Variants in ADGRL2 observed in about 807,000 individuals in gnomAD.
The protein encoded by ADGRL2 is adhesion G protein-coupled receptor L2, also known as calcium-independent alpha-latrotoxin receptor 2.
In ADGRL2, 44 loss-of-function variants were observed where a neutral mutation model predicts 157.4. The ratio of observed to expected loss-of-function variants is 0.28; its 90% CI spans 0.22 to 0.36. The LOEUF (loss-of-function observed/expected upper bound fraction) is 0.36, where lower values mean the gene tolerates loss of function less well. Ranked by LOEUF, ADGRL2 falls within the 10% of genes least tolerant of loss-of-function variation. The pLI is 1.00. For synonymous variants in ADGRL2, 585 were observed against 624.7 expected, an observed-to-expected ratio of 0.94 and a Z score of 0.95; for missense variants, 1,510 against 1,768.9, an observed-to-expected ratio of 0.85 and a Z score of 2.63.
At chr1:81,972,205 A>G (rs1558028335) in intron 17 of ADGRL2, among the ~76,000 whole-genome samples, 2 of 152,160 alleles carry the variant, frequency 1.3e-5, no homozygotes, top group Non-Finnish European at 2.9e-5. Flanking sequence ...GTTATAAATT[A>G]AATGAATATG....
intron 3 of ADGRL2, among the ~76,000 whole-genome samples, chr1:81,672,278 C>G (rs2082891423): frequency 6.6e-6 from 1 of 152,154 alleles, no homozygotes; most frequent in Admixed American, 6.5e-5. Flanking sequence ...AAAAAGCTGT[C>G]ATTTCTGAAA....
At chr1:81,657,298 C>G (rs2082556003) in intron 3 of ADGRL2, among the ~76,000 whole-genome samples, 1 of 152,050 alleles carries the variant, frequency 6.6e-6, no homozygotes, top group African/African-American at 2.4e-5. Flanking sequence ...TTTGCTTATC[C>G]CTTTGGCTTT....
At chr1:81,759,576 T>C (rs2149300381) in intron 1 of ADGRL2, among the ~76,000 whole-genome samples, 1 of 152,278 alleles carries the variant, frequency 6.6e-6, no homozygotes, top group African/African-American at 2.4e-5. Flanking sequence ...AAAAGTTTTT[T>C]CTAGTCTTTT....
In ADGRL2 at chr1:81,511,402, A is replaced by G. The variant is rs554601608; in HGVS notation, c.-248+66313A>G. Among the ~76,000 whole-genome samples the G allele has an allele frequency of 4.5e-3, 622 of 137,266 alleles. 1 individual carries two copies. The highest frequency in any genetic ancestry group is 0.017 in the African/African-American group (584 of 34,434). 90.1% of individuals were successfully genotyped at this position (137,266 alleles called of 152,430 possible). On this transcript the variant is annotated intron_variant, in intron 2 of 24. Transcript: ENST00000370721. ...GAAAAAAAAAAAAAAAAAAGCGCGCACACACACACACACACACACACACAT... is the reference window on the plus strand; with the variant it reads ...GAAAAAAAAAAAAAAAAAAGCGCGCGCACACACACACACACACACACACAT...
At chr1:81,787,512 G>A (rs561928909) in intron 2 of ADGRL2, among the ~76,000 whole-genome samples, 4 of 152,008 alleles carry the variant, frequency 2.6e-5, no homozygotes, top group South Asian at 4.2e-4. Flanking sequence ...AAAATTAGCC[G>A]GGTGTGGTGG....
intron 2 of ADGRL2, among the ~76,000 whole-genome samples, chr1:81,872,814 T>C (rs2093734273): frequency 1.3e-5 from 2 of 152,146 alleles, no homozygotes; most frequent in South Asian, 2.1e-4. Context: ...ATTTTCCTAT[T>C]GTGATGGTGT....
intron 3 of ADGRL2, among the ~76,000 whole-genome samples, chr1:81,613,242 C>T (rs554718263): frequency 1.3e-5 from 2 of 152,260 alleles, no homozygotes; most frequent in South Asian, 4.1e-4. Context: ...GCATGTAAAA[C>T]ACATAGCACA....
upstream of ADGRL2, among the ~76,000 whole-genome samples, chr1:81,694,980 A>G (rs12092505): frequency 0.14 from 21,722 of 152,132 alleles, 1,593 homozygotes; most frequent in African/African-American, 0.16. Flanking sequence ...ATTGATACAT[A>G]TATTTATTTG....
intron 1 of ADGRL2, among the ~76,000 whole-genome samples, chr1:81,385,768 T>C (rs974028382): frequency 5.3e-5 from 8 of 152,050 alleles, no homozygotes; most frequent in Non-Finnish European, 7.4e-5. Flanking sequence ...CTAAAGACGC[T>C]CTGCAATATT....
At chr1:81,352,173 C>T (rs1269719480) in intron 1 of ADGRL2, among the ~76,000 whole-genome samples, 5 of 152,230 alleles carry the variant, frequency 3.3e-5, no homozygotes, top group African/African-American at 9.6e-5. Context: ...TGTCACTTGA[C>T]TCTTGAGCCC....
chr1:81,629,188 G>A (rs939764722), intron 3 of ADGRL2, among the ~76,000 whole-genome samples: 5 of 152,210 alleles, frequency 3.3e-5, no homozygotes, highest in Admixed American at 1.3e-4. Flanking sequence ...GATGAAAAGG[G>A]TATTTTGAAA....
intron 3 of ADGRL2, among the ~76,000 whole-genome samples, chr1:81,678,960 G>A (rs1570809908): frequency 6.6e-6 from 1 of 152,126 alleles, no homozygotes; most frequent in African/African-American, 2.4e-5. Flanking sequence ...GGTGTTTCTG[G>A]TTCTGCACTG....
At chr1:81,856,430 G>A (rs1032773363) in intron 2 of ADGRL2, among the ~76,000 whole-genome samples, 6 of 152,102 alleles carry the variant, frequency 3.9e-5, no homozygotes, top group Non-Finnish European at 5.9e-5. Flanking sequence ...ATTGGTCTGA[G>A]GATCATGGAC....
rs17106953 is a variant in ADGRL2 at position 81,701,924 on chromosome 1, G to C, written c.-143+2116G>C. Among the ~76,000 whole-genome samples the C allele has an allele frequency of 3.4e-3, 521 of 152,284 alleles. 8 individuals are homozygous for C. The highest frequency in any genetic ancestry group is 0.012 in the African/African-American group (505 of 41,564). ...GTTTTTAGCAGTCATTACCTTGGGG[G>C]AAAGCCCACATTACAGAAACTTGAA... On this transcript the variant is annotated intron_variant, in intron 1 of 20. Coordinates refer to the ADGRL2 transcript ENST00000359929.
At chr1:81,945,538 C>T (rs1029793233) in intron 6 of ADGRL2, among the ~76,000 whole-genome samples, 3 of 152,088 alleles carry the variant, frequency 2.0e-5, no homozygotes, top group Admixed American at 6.6e-5. Flanking sequence ...ATCTACTTGC[C>T]ACAAAGTACT....
chr1:81,784,889 C>G (rs1487783692), intron 2 of ADGRL2, among the ~76,000 whole-genome samples: 2 of 138,798 alleles, frequency 1.4e-5, no homozygotes, highest in African/African-American at 5.4e-5. Flanking sequence ...GTTAATTATC[C>G]AATTTTATGA....
At chr1:81,721,624 C>G in intron 1 of ADGRL2, 1 of 681,790 alleles carries the variant, frequency 1.5e-6, no homozygotes, top group Non-Finnish European at 2.5e-6. Flanking sequence ...TCTGTGCGGT[C>G]ACGCCAAGCC....
At chr1:81,768,401 AATATTTGATTACC>A (rs1259456788) in intron 2 of ADGRL2, among the ~76,000 whole-genome samples, 1 of 152,016 alleles carries the variant, frequency 6.6e-6, no homozygotes, top group African/African-American at 2.4e-5. Context: ...TTTAATTTTC[AATATTTGATTACC>A]AATGAGATTG....
intron 1 of ADGRL2, among the ~76,000 whole-genome samples, chr1:81,330,556 T>C (rs140515534): frequency 2.2e-3 from 336 of 152,324 alleles, no homozygotes; most frequent in African/African-American, 7.5e-3. Flanking sequence ...AGAATTTGTA[T>C]GTCCTTGGGT....
Sources: gnomAD v4.1 joint callset for allele counts (sites outside exome capture counted in the v4.1 genomes callset) on GRCh38, gnomAD v4.1.1 for gene constraint, MANE v1.5 for transcripts, NCBI Gene and HGNC (gene_info 2026-07-23, HGNC 2026-07-21) for gene names.